The following PADI6 variants were observed in gnomAD, a reference collection of about 807,000 sequenced individuals.
PADI6 encodes inactive protein-arginine deiminase type-6.
In PADI6, 66 loss-of-function variants were observed where a neutral mutation model predicts 78.2. That is an observed-to-expected ratio of 0.84 (90% CI 0.69 to 1.04). The LOEUF is 1.04. Among genes scored for constraint, PADI6 ranks in the 50% least tolerant of loss-of-function variants. The pLI, the probability that PADI6 is intolerant of heterozygous loss-of-function variation, is 0.00. For missense variants in PADI6, 854 were observed against 866.1 expected (o/e 0.99, Z 0.18); for synonymous variants, 397 against 346.9 (o/e 1.14, Z -1.60).
intron 3 of PADI6, among the ~76,000 whole-genome samples, chr1:17,378,071 A>G (rs925797149): frequency 3.3e-5 from 5 of 151,376 alleles, no homozygotes; most frequent in Non-Finnish European, 5.9e-5. Flanking sequence ...TGGGCTTCCT[A>G]TTTCCCCTAA....
chr1:17,386,810 C>T lies in PADI6; in HGVS notation c.680-1571C>T, dbSNP rs112952994. The stretch of plus-strand genomic sequence containing the variant: ...TCGGGAGGGCTGCTGGGGCTCTAAC[C>T]CAGAGCAAGAGGCCGAGGACCCAGG... On this transcript the variant is annotated intron_variant, in intron 6 of 15. Transcript: ENST00000619609. 2.0e-3 allele frequency among the ~76,000 whole-genome samples: 304 copies of T among 152,310 alleles called. 4 individuals carry two copies. Among genetic ancestry groups the T allele is most frequent in the African/African-American group, 7.0e-3 (291 of 41,580 alleles).
At chr1:17,398,584 C>G (rs1471522892) in intron 14 of PADI6, 102 bp from the exon 15 acceptor site, 1 of 707,262 alleles carries the variant, frequency 1.4e-6, no homozygotes, top group Non-Finnish European at 2.4e-6. Context: ...GTAGTGGTGT[C>G]AGGCCATCAC....
chr1:17,400,717 CTA>C (rs1239781708), intron 15 of PADI6, among the ~76,000 whole-genome samples: 1 of 152,110 alleles, frequency 6.6e-6, no homozygotes, highest in African/African-American at 2.4e-5. Context: ...CCCCAATTCT[CTA>C]AACACCTGCT....
chr1:17,388,470 TTC>T lies in PADI6; in HGVS notation c.771_772del (p.Phe257LeufsTer3). ...ALLGNHLKET[F>X]YVEAIAFPSA... ...CCTCGGGAACCACTTGAAGGAGACT[TTC>T]TACGTTGAAGCTATAGCATTCCCAT... On this transcript the variant is annotated frameshift_variant, in exon 7 of 16. Transcript: ENST00000619609. LOFTEE classifies it high-confidence loss of function. 1 of 1,613,728 alleles carries T rather than the reference TTC, an allele frequency of 6.2e-7. No homozygotes were observed.
At position 17,401,247 on chromosome 1, in the gene PADI6, C is replaced by T. The variant is rs755260464; in HGVS notation, c.1894C>T (p.Pro632Ser). ...GGGCAAGAACCTGGGGATCCCCAAG[C>T]CTTTTGGGCCCCAAATCAAGGGGAC... ...VMGKNLGIPKPFGPQIKGTCC... is the reference protein window; with the variant it reads ...VMGKNLGIPKSFGPQIKGTCC... Residue 632 changes from proline to serine, a missense_variant, in exon 16 of 16, where the codon CCT becomes TCT. Pro to Ser is a moderately conservative substitution (Grantham distance 74). Coordinates refer to ENST00000619609, the MANE Select transcript of PADI6 (RefSeq NM_207421.4). 6.2e-7 allele frequency: 1 copy of T among 1,614,068 alleles called. No homozygotes were observed. The highest frequency in any genetic ancestry group is 1.1e-5 in the South Asian group (1 of 91,090).
At chr1:17,399,323 G>A (rs537465008) in intron 15 of PADI6, among the ~76,000 whole-genome samples, 192 of 152,338 alleles carry the variant, frequency 1.3e-3, no homozygotes, top group African/African-American at 4.3e-3. Flanking sequence ...TCTAGGCCAG[G>A]CGCAGTGGCT....
rs1263057806 is a variant in PADI6, at chr1:17,372,286, T to C, written c.41T>C (p.Ile14Thr). 3.1e-6 allele frequency: 5 copies of C among 1,613,930 alleles called. No individual in the cohort carries two copies. The East Asian group carries it at 1.1e-4, about 36-fold the overall frequency. The change falls in exon 1 of 16, where the codon ATC becomes ACC. Residue 14 changes from isoleucine to threonine, a missense_variant. Ile to Thr is a moderately conservative substitution (Grantham distance 89). Transcript: ENST00000619609. ...GGCCGAGCCATGTCCTTCCAGAGTA[T>C]CATCCACCTGTCCCTGGACAGCCCT... The part of the protein sequence containing the change: ...VEGRAMSFQS[I>T]IHLSLDSPVH...
At position 17,373,059 on chromosome 1, in the gene PADI6, T is replaced by G; in HGVS notation, c.120T>G (p.Cys40Trp). 6.2e-7 allele frequency: 1 copy of G among 1,613,226 alleles called. No individual in the cohort carries two copies. Among genetic ancestry groups the G allele is most frequent in the Non-Finnish European group, 8.5e-7 (1 of 1,179,274 alleles). Residue 40 changes from cysteine (C) to tryptophan (W), a missense_variant, in exon 2 of 16, where the codon TGT (cysteine) becomes TGG (tryptophan). Transcript: ENST00000619609. Reference protein sequence around the residue: ...GTEICLDLSGCAPQKCQCFTI... With the variant: ...GTEICLDLSGWAPQKCQCFTI... ...TGTCTCTTACCGGGCAAACCAGGTG[T>G]GCCCCCCAGAAGTGCCAGTGCTTCA...
chr1:17,398,652 C>CT, intron 14 of PADI6, 34 bp from the exon 15 acceptor site: 1 of 110,492 alleles, frequency 9.1e-6, no homozygotes, highest in Non-Finnish European at 1.7e-5. Flanking sequence ...CCTTGCTCCC[C>CT]CGCCCCCCCC....
Position 17,394,098 on chromosome 1 carries a change from T to A in PADI6, c.1182+16T>A. Reference sequence around the variant, plus strand: ...GTACTCACTGGTGTGGAACTTGGTTTGGCTAATCTGAGCTCAGTCCAATCT... The same window carrying A: ...GTACTCACTGGTGTGGAACTTGGTTAGGCTAATCTGAGCTCAGTCCAATCT... On this transcript the variant is annotated intron_variant, in intron 10 of 15. Coordinates refer to ENST00000619609, the MANE Select transcript of PADI6 (RefSeq NM_207421.4). 1 of 1,608,564 alleles carries A rather than the reference T, an allele frequency of 6.2e-7. No individual in the cohort carries two copies. Among genetic ancestry groups the A allele is most frequent in the Non-Finnish European group, 8.5e-7 (1 of 1,175,046 alleles).
rs140350401 is a variant in PADI6, at chr1:17,394,770, C to G, written c.1338-181C>G. Among the ~76,000 whole-genome samples the G allele has an allele frequency of 2.7e-3, 409 of 152,294 alleles. 1 individual carries two copies. Among genetic ancestry groups the G allele is most frequent in the African/African-American group, 9.4e-3 (392 of 41,550 alleles). On this transcript the variant is annotated intron_variant, in intron 11 of 15. Transcript: ENST00000619609. ...GCCCGGGCTTGTCTGTCTAGAAACA[C>G]TAGGCTCTGTTCTGAGTGGGGTCAG...
At chr1:17,382,477 C>A (rs904789198) in intron 6 of PADI6, among the ~76,000 whole-genome samples, 1 of 152,222 alleles carries the variant, frequency 6.6e-6, no homozygotes, top group Non-Finnish European at 1.5e-5. Flanking sequence ...AACCAATGAT[C>A]CACTATGTTA....
intron 6 of PADI6, 31 bp from the exon 7 acceptor site, chr1:17,388,350 G>C (rs757713990): frequency 1.3e-6 from 2 of 1,575,412 alleles, no homozygotes; most frequent in Non-Finnish European, 1.7e-6. Context: ...GGTTACTTCA[G>C]TGGCTGGTCC....
intron 3 of PADI6, 56 bp downstream of exon 3, chr1:17,375,555 A>C: frequency 6.8e-7 from 1 of 1,477,582 alleles, no homozygotes; most frequent in Admixed American, 1.9e-5. Context: ...GGGTTGGGGA[A>C]GGGGTGGGAT....
intron 6 of PADI6, among the ~76,000 whole-genome samples, chr1:17,386,580 G>A (rs1348450235): frequency 2.6e-5 from 4 of 152,212 alleles, no homozygotes; most frequent in African/African-American, 9.6e-5. Context: ...GGGGTTCCTG[G>A]GGGAAGACTG....
At chr1:17,382,250 C>G (rs1298347290) in intron 6 of PADI6, among the ~76,000 whole-genome samples, 158 bp downstream of exon 6, 1 of 152,206 alleles carries the variant, frequency 6.6e-6, no homozygotes, top group African/African-American at 2.4e-5. Flanking sequence ...TTCCAGGATT[C>G]TCTGGCTGCC....
At chr1:17,387,960 A>G (rs1294135218) in intron 6 of PADI6, among the ~76,000 whole-genome samples, 2 of 152,206 alleles carry the variant, frequency 1.3e-5, no homozygotes, top group African/African-American at 4.8e-5. Context: ...CCTTTCTAGC[A>G]TCAGTAAGTG....
intron 2 of PADI6, among the ~76,000 whole-genome samples, chr1:17,374,715 C>T (rs965810869): frequency 2.0e-5 from 3 of 152,274 alleles, no homozygotes; most frequent in East Asian, 1.9e-4. Flanking sequence ...GCCCAGGGCT[C>T]GGCCTCCAGG....
At chr1:17,390,417 T>C (rs2075170487) in intron 8 of PADI6, among the ~76,000 whole-genome samples, 1 of 151,950 alleles carries the variant, frequency 6.6e-6, no homozygotes, top group Non-Finnish European at 1.5e-5. Context: ...CTGGCCAACA[T>C]GGTAAAACCC....
Sources: gnomAD v4.1 joint callset for allele counts (sites outside exome capture counted in the v4.1 genomes callset) on GRCh38, gnomAD v4.1.1 for gene constraint, MANE v1.5 for transcripts, NCBI Gene and HGNC (gene_info 2026-07-23, HGNC 2026-07-21) for gene names.